The following ZMYM6 variants were observed in gnomAD, a reference collection of about 807,000 sequenced individuals.
The protein encoded by ZMYM6 is zinc finger MYM-type protein 6.
In ZMYM6, 90 loss-of-function variants were observed where a neutral mutation model predicts 134.0. The ratio of observed to expected loss-of-function variants is 0.67; its 90% CI spans 0.57 to 0.80. The LOEUF is 0.80. Among genes scored for constraint, ZMYM6 ranks in the 30% least tolerant of loss-of-function variants. The pLI, the probability that ZMYM6 is intolerant of heterozygous loss-of-function variation, is 0.00. For missense variants in ZMYM6, 1,362 were observed against 1,533.9 expected, an observed-to-expected ratio of 0.89 and a Z score of 1.87; for synonymous variants, 481 against 524.1, an observed-to-expected ratio of 0.92 and a Z score of 1.12.
At chr1:35,015,743 A>AAAAAAAAAATATATAT in intron 4 of ZMYM6, among the ~76,000 whole-genome samples, 36 of 106,444 alleles carry the variant, frequency 3.4e-4, no homozygotes, top group African/African-American at 2.2e-3. Flanking sequence ...AAAAAAAAAA[A>AAAAAAAAAATATATAT]ATATATATAT....
rs1641152234 is a variant in ZMYM6 at position 35,014,841 on chromosome 1, A to G, written c.651T>C (p.Ser217=). 6.2e-7 allele frequency: 1 copy of G among 1,614,214 alleles called. No individual in the cohort carries two copies. Among genetic ancestry groups the G allele is most frequent in the Non-Finnish European group, 8.5e-7 (1 of 1,180,038 alleles). The change falls in exon 6 of 16, where the codon AGT becomes AGC. Residue 217 remains serine, a synonymous_variant. Transcript: ENST00000357182. ...AGTGAAATTTTGAAAAACAGGCATC[A>G]CTACAAAGACCATGTACCACATTTT... is the stretch of plus-strand genomic sequence containing the variant. ...KYQNVVHGLC[S]DACFSKFHST...
At chr1:35,021,118 ATTTTT>A (rs375899509) in intron 2 of ZMYM6, among the ~76,000 whole-genome samples, 1 of 139,292 alleles carries the variant, frequency 7.2e-6, no homozygotes, top group Admixed American at 7.1e-5. Flanking sequence ...GAAAAAAAAA[ATTTTT>A]TTTTTTTTTT....
intron 13 of ZMYM6, among the ~76,000 whole-genome samples, chr1:35,004,665 A>G (rs1178247578): frequency 1.3e-5 from 2 of 151,884 alleles, no homozygotes; most frequent in Non-Finnish European, 2.9e-5. Context: ...TTTCCCATCC[A>G]CACCACCTTG....
intron 14 of ZMYM6, among the ~76,000 whole-genome samples, chr1:35,002,125 T>C (rs1030500978): frequency 2.6e-5 from 4 of 152,344 alleles, no homozygotes; most frequent in Admixed American, 1.3e-4. Flanking sequence ...AGGACCCTCT[T>C]CCAGTTGCTT....
intron 4 of ZMYM6, among the ~76,000 whole-genome samples, chr1:35,015,743 A>AAGAAAAAAAAAAAATATATATAT: frequency 8.7e-4 from 93 of 106,434 alleles, no homozygotes; most frequent in African/African-American, 5.9e-3. Flanking sequence ...AAAAAAAAAA[A>AAGAAAAAAAAAAAATATATATAT]ATATATATAT....
At chr1:35,006,076 C>T (rs1385275478) in intron 12 of ZMYM6, among the ~76,000 whole-genome samples, 1 of 152,174 alleles carries the variant, frequency 6.6e-6, no homozygotes, top group African/African-American at 2.4e-5. Context: ...GGCATGATCT[C>T]GGCTCACTGT....
intron 4 of ZMYM6, among the ~76,000 whole-genome samples, chr1:35,017,045 A>G (rs1402909240): frequency 6.6e-6 from 1 of 152,056 alleles, no homozygotes; most frequent in Non-Finnish European, 1.5e-5. Context: ...AAGGTTAAGT[A>G]TTACTGTAAC....
At chr1:35,013,019 A>T (rs1641113240) in intron 6 of ZMYM6, 11 of 969,956 alleles carry the variant, frequency 1.1e-5, no homozygotes, top group Non-Finnish European at 1.2e-5. Context: ...AATGTATATT[A>T]ATAGAGATCC....
intron 3 of ZMYM6, 42 bp from the exon 4 acceptor site, chr1:35,019,644 T>C: frequency 6.5e-7 from 1 of 1,529,200 alleles, no homozygotes; most frequent in Non-Finnish European, 8.8e-7. Flanking sequence ...TCAATACTAA[T>C]GCATATACAG....
At chr1:35,015,371 A>G (rs72909422) in intron 4 of ZMYM6, among the ~76,000 whole-genome samples, 4,674 of 152,216 alleles carry the variant, frequency 0.031, 209 homozygotes, top group African/African-American at 0.097. Context: ...TTCTTCATGT[A>G]TAAAATGGGG....
At chr1:35,031,331 C>G (rs957816992) in intron 1 of ZMYM6, 1 of 152,264 alleles carries the variant, frequency 6.6e-6, no homozygotes, top group African/African-American at 2.4e-5. Flanking sequence ...GCTTCACAAT[C>G]GCCTTCCTGT....
intron 6 of ZMYM6, chr1:35,013,300 T>C (rs1031497385): frequency 3.3e-6 from 3 of 905,508 alleles, no homozygotes; most frequent in African/African-American, 3.6e-5. Flanking sequence ...ATTAAACTCA[T>C]TTCATCAGGC....
intron 15 of ZMYM6, among the ~76,000 whole-genome samples, chr1:34,990,541 T>A (rs1325898520): frequency 2.0e-5 from 3 of 152,142 alleles, no homozygotes; most frequent in Non-Finnish European, 4.4e-5. Flanking sequence ...TTCCACTGAT[T>A]AGGATTTATC....
chr1:35,020,537 CAA>C, intron 2 of ZMYM6, 70 bp from the exon 3 acceptor site: 3 of 930,598 alleles, frequency 3.2e-6, no homozygotes, highest in Non-Finnish European at 4.4e-6. Context: ...GAAATTCAAG[CAA>C]AAAAAAATTA....
At chr1:35,002,248 A>G (rs919022671) in intron 14 of ZMYM6, among the ~76,000 whole-genome samples, 31 of 152,332 alleles carry the variant, frequency 2.0e-4, no homozygotes, top group Admixed American at 1.8e-3. Flanking sequence ...TGTTCTACTT[A>G]CACAGATTCC....
intron 11 of ZMYM6, 142 bp downstream of exon 11, chr1:35,008,610 T>C (rs956530114): frequency 1.3e-5 from 10 of 746,956 alleles, no homozygotes; most frequent in African/African-American, 5.4e-5. Flanking sequence ...TTATATTCAA[T>C]TGAATTTTTC....
chr1:35,026,241 G>C (rs1641413147), intron 2 of ZMYM6, among the ~76,000 whole-genome samples: 1 of 151,846 alleles, frequency 6.6e-6, no homozygotes, highest in Admixed American at 6.6e-5. Flanking sequence ...GGGTGGTCTT[G>C]AACTCCTGAC....
intron 4 of ZMYM6, chr1:35,017,513 T>A (rs1641226264): frequency 6.6e-6 from 1 of 152,202 alleles, no homozygotes; most frequent in Non-Finnish European, 1.5e-5. Flanking sequence ...AAATTATAAG[T>A]GTACTCTGAA....
At chr1:35,030,762 T>G (rs537583680) in intron 1 of ZMYM6, 49 bp from the exon 2 acceptor site, 1 of 1,020,462 alleles carries the variant, frequency 9.8e-7, no homozygotes, top group African/African-American at 1.6e-5. Context: ...CTTATCTATA[T>G]GAAAGAAAAA....
Sources: allele counts gnomAD v4.1 joint callset (sites outside exome capture counted in the v4.1 genomes callset), GRCh38; gene constraint gnomAD v4.1.1; transcripts MANE v1.5; gene names NCBI Gene and HGNC (gene_info 2026-07-23, HGNC 2026-07-21).